Variants in ZNF284 observed in about 807,000 individuals in gnomAD.
ZNF284 encodes zinc finger protein 284.
In ZNF284, 12 loss-of-function variants were observed where a neutral mutation model predicts 12.9. The observed-to-expected ratio is 0.93, with a 90% CI of 0.60 to 1.51. The LOEUF is 1.51. Ranked by LOEUF, ZNF284 falls within the 40% of genes most tolerant of loss-of-function variation. The pLI, the probability that ZNF284 is intolerant of heterozygous loss-of-function variation, is 0.00. For missense variants in ZNF284, 667 were observed against 707.3 expected (o/e 0.94, Z 0.65); for synonymous variants, 225 against 236.5 (o/e 0.95, Z 0.45).
chr19:44,078,938 G>A (rs996802188), intron 2 of ZNF284, among the ~76,000 whole-genome samples: 4 of 151,920 alleles, frequency 2.6e-5, no homozygotes, highest in Non-Finnish European at 5.9e-5. Context: ...TTATAGTCAC[G>A]TGCCACCATG....
At chr19:44,079,014 C>G (rs2147498165) in intron 2 of ZNF284, among the ~76,000 whole-genome samples, 1 of 152,032 alleles carries the variant, frequency 6.6e-6, no homozygotes, top group East Asian at 1.9e-4. Context: ...TGGTCTCGAA[C>G]TCCAGAGGTC....
chr19:44,080,875 G>A (rs1274029918), intron 2 of ZNF284, 140 bp from the exon 3 acceptor site: 5 of 1,134,564 alleles, frequency 4.4e-6, no homozygotes, highest in Admixed American at 2.6e-5. Flanking sequence ...CAGACAGAAT[G>A]AATGGGAAAT....
At position 44,084,080 on chromosome 19, in the gene ZNF284, GC is replaced by G. The variant is rs1599880709; in HGVS notation, c.236-1630del. Among the ~76,000 whole-genome samples, 3 of 152,168 alleles carry G rather than the reference GC, an allele frequency of 2.0e-5. No individual in the cohort carries two copies. The East Asian group carries it at 5.8e-4, about 29-fold the overall frequency. Reference sequence around the variant, plus strand: ...CCAACATGGCAGGGTGATCTCAACAGCCCCAGGTGGTATGCTTAGGTAGTGG... The same window carrying G: ...CCAACATGGCAGGGTGATCTCAACAGCCCAGGTGGTATGCTTAGGTAGTGG... On this transcript the variant is annotated intron_variant, in intron 4 of 4. Transcript: ENST00000421176.
At chr19:44,078,518 C>T (rs1349522545) in intron 2 of ZNF284, among the ~76,000 whole-genome samples, 1 of 152,108 alleles carries the variant, frequency 6.6e-6, no homozygotes, top group Middle Eastern at 3.2e-3. Context: ...GGATAGAGTA[C>T]AGTGATGTAA....
intron 2 of ZNF284, among the ~76,000 whole-genome samples, chr19:44,080,395 G>A (rs1435028581): frequency 2.0e-5 from 3 of 152,086 alleles, no homozygotes; most frequent in Non-Finnish European, 4.4e-5. Context: ...TCGGGAGTTC[G>A]TGACCAGCCT....
chr19:44,085,869 TC>T lies in ZNF284; in HGVS notation c.394del (p.Gln132ArgfsTer8). 6.2e-7 allele frequency: 1 copy of T among 1,614,128 alleles called. No individual in the cohort carries two copies. The highest frequency in any genetic ancestry group is 8.5e-7 in the Non-Finnish European group (1 of 1,179,990). ...GTTCTCCACACAAGGTGATGTCCCC[TC>T]CCAGGTTGACGCAGGACTATCTATA... is the stretch of plus-strand genomic sequence containing the variant. ...SQFSTQGDVP[S>X]QVDAGLSIIH... On this transcript the variant is annotated frameshift_variant, in exon 5 of 5. Transcript: ENST00000421176. LOFTEE classifies it low-confidence loss of function (END_TRUNC).
intron 4 of ZNF284, among the ~76,000 whole-genome samples, chr19:44,084,667 T>C (rs567961600): frequency 1.3e-5 from 2 of 152,288 alleles, no homozygotes; most frequent in African/African-American, 4.8e-5. Flanking sequence ...GGACACTATG[T>C]GGCCTAGATT....
rs1389898379 is a variant in ZNF284 at position 44,086,506 on chromosome 19, A to G, written c.1028A>G (p.Tyr343Cys). Residue 343 changes from tyrosine (Y) to cysteine (C), a missense_variant, in exon 5 of 5, where the codon TAC becomes TGC. Coordinates refer to ENST00000421176, the MANE Select transcript of ZNF284 (RefSeq NM_001037813.4). ...ATGGACCACACAAAAGAGAAACTAT[A>G]CAAATGTGAAGAATGTGGAAGGAGC... ...HCMDHTKEKL[Y>C]KCEECGRSFT... 1.2e-6 allele frequency: 2 copies of G among 1,614,214 alleles called. No individual in the cohort carries two copies. Among genetic ancestry groups the G allele is most frequent in the Admixed American group, 1.7e-5 (1 of 60,024 alleles).
chr19:44,086,670 A>G lies in ZNF284; in HGVS notation c.1192A>G (p.Thr398Ala), dbSNP rs1967256682. The change falls in exon 5 of 5, where the codon ACA (threonine) becomes GCA (alanine). Residue 398 changes from threonine to alanine, a missense_variant. Coordinates refer to ENST00000421176, the MANE Select transcript of ZNF284 (RefSeq NM_001037813.4). ...TCAGCGGGTCCACAATGGAGAAACA[A>G]CATTCAAGTGCGACGGATGTGGGAA... is the stretch of plus-strand genomic sequence containing the variant. ...RHQRVHNGET[T>A]FKCDGCGKRF... 1.2e-6 allele frequency: 2 copies of G among 1,613,938 alleles called. No individual in the cohort carries two copies. Among genetic ancestry groups the G allele is most frequent in the African/African-American group, 2.7e-5 (2 of 74,900 alleles).
chr19:44,083,472 TATAGAGAG>T (rs1212228110), intron 4 of ZNF284, among the ~76,000 whole-genome samples: 25 of 64,602 alleles, frequency 3.9e-4, no homozygotes, highest in African/African-American at 1.1e-3. Flanking sequence ...TATATATATA[TATAGAGAG>T]AGAGAGAGAG....
chr19:44,074,734 C>T (rs148048414), intron 1 of ZNF284, among the ~76,000 whole-genome samples: 4 of 152,182 alleles, frequency 2.6e-5, no homozygotes, highest in East Asian at 3.9e-4. Context: ...TTTGGGAGGC[C>T]GAGGCAGGTG....
At chr19:44,077,963 A>T (rs1411279382) in intron 2 of ZNF284, among the ~76,000 whole-genome samples, 1 of 152,096 alleles carries the variant, frequency 6.6e-6, no homozygotes, top group Non-Finnish European at 1.5e-5. Context: ...GCACCAAAGG[A>T]CAGTGATTGC....
At chr19:44,081,200 A>T in intron 3 of ZNF284, 59 bp downstream of exon 3, 14 of 1,552,422 alleles carry the variant, frequency 9.0e-6, no homozygotes, top group Non-Finnish European at 1.1e-5. Context: ...TTTGTATCCT[A>T]GGGTGTTTGT....
rs1480214159 is a variant in ZNF284, at chr19:44,082,047, C to T, written c.177C>T (p.Phe59=). Residue 59 remains phenylalanine (F), a synonymous_variant, in exon 4 of 5, where the codon TTC becomes TTT. Transcript: ENST00000421176. ...TTTCCCACCGAGATACTTTTCACTT[C>T]CAAAGAGAAGAAAAGTTTTGGATCA... The part of the protein sequence containing the change: ...HQLSHRDTFH[F]QREEKFWIME... 5 of 1,613,842 alleles carry T rather than the reference C, an allele frequency of 3.1e-6. No homozygotes were observed. Among genetic ancestry groups the T allele is most frequent in the Non-Finnish European group, 3.4e-6 (4 of 1,179,864 alleles).
chr19:44,083,091 G>A (rs1236812667), intron 4 of ZNF284, among the ~76,000 whole-genome samples: 1 of 151,800 alleles, frequency 6.6e-6, no homozygotes. Flanking sequence ...CCTTTATTCT[G>A]GTCTCTGTTC....
At chr19:44,083,483 A>AT (rs1967165347) in intron 4 of ZNF284, among the ~76,000 whole-genome samples, 1 of 97,176 alleles carries the variant, frequency 1.0e-5, no homozygotes. Flanking sequence ...ATAGAGAGAG[A>AT]GAGAGAGAGA....
rs2147510708 is a variant in ZNF284, at chr19:44,086,651, G to T, written c.1173G>T (p.Arg391=). ...CCTCATGTCTTTCAAGACATCAGCG[G>T]GTCCACAATGGAGAAACAACATTCA... ...RWSSCLSRHQ[R]VHNGETTFKC... Residue 391 remains arginine (R), a synonymous_variant, in exon 5 of 5, where the codon CGG becomes CGT. Coordinates refer to ENST00000421176, the MANE Select transcript of ZNF284 (RefSeq NM_001037813.4). 6.2e-7 allele frequency: 1 copy of T among 1,614,056 alleles called. No homozygotes were observed. Among genetic ancestry groups the T allele is most frequent in the Non-Finnish European group, 8.5e-7 (1 of 1,179,982 alleles).
rs550596241 is a variant in ZNF284, at chr19:44,079,807, A to G, written c.16-1208A>G. 3.3e-4 allele frequency among the ~76,000 whole-genome samples: 50 copies of G among 152,240 alleles called. 1 individual carries two copies. Among genetic ancestry groups the G allele is most frequent in the African/African-American group, 1.2e-3 (48 of 41,540 alleles). On this transcript the variant is annotated intron_variant, in intron 2 of 4. Transcript: ENST00000421176. ...GCTGGGCATGGTGGCGCATGCTTGT[A>G]ATCCCAGCTATTCAGGAGGCTGGGG...
chr19:44,083,507 TG>T (rs1967170900), intron 4 of ZNF284, among the ~76,000 whole-genome samples: 1 of 89,562 alleles, frequency 1.1e-5, no homozygotes, highest in Non-Finnish European at 2.5e-5. Flanking sequence ...AGAGAGGGAA[TG>T]GAATACCATC....
Sources: allele counts gnomAD v4.1 joint callset (sites outside exome capture counted in the v4.1 genomes callset), GRCh38; gene constraint gnomAD v4.1.1; transcripts MANE v1.5; gene names NCBI Gene and HGNC (gene_info 2026-07-23, HGNC 2026-07-21).